The following SLC2A13 variants were observed in gnomAD, a reference collection of about 807,000 sequenced individuals.
The protein encoded by SLC2A13 is solute carrier family 2 member 13.
Under a neutral mutation model 64.4 loss-of-function variants are expected in SLC2A13, and 32 were observed. That is an observed-to-expected ratio of 0.50 (90% CI 0.37 to 0.67). SLC2A13 has a LOEUF of 0.67. Among genes scored for constraint, SLC2A13 ranks in the 30% least tolerant of loss-of-function variants. The pLI, the probability that SLC2A13 is intolerant of heterozygous loss-of-function variation, is 0.00. For missense variants in SLC2A13, 743 were observed against 829.2 expected (o/e 0.90, Z 1.28); for synonymous variants, 338 against 327.1 (o/e 1.03, Z -0.36).
At chr12:39,776,439 G>T (rs74090331) in intron 7 of SLC2A13, among the ~76,000 whole-genome samples, 2 of 152,178 alleles carry the variant, frequency 1.3e-5, no homozygotes, top group Non-Finnish European at 2.9e-5. Flanking sequence ...CCTAGGAAGC[G>T]GCTTGGCAAG....
At chr12:39,945,730 C>A (rs947873424) in intron 4 of SLC2A13, among the ~76,000 whole-genome samples, 17 of 152,086 alleles carry the variant, frequency 1.1e-4, no homozygotes, top group Non-Finnish European at 2.5e-4. Flanking sequence ...GCTATCTATT[C>A]CCATGAATAT....
intron 7 of SLC2A13, among the ~76,000 whole-genome samples, chr12:39,826,155 A>C (rs1942668598): frequency 6.6e-6 from 1 of 152,128 alleles, no homozygotes; most frequent in Admixed American, 6.5e-5. Flanking sequence ...AATTTTCAGA[A>C]GTGTTCCATG....
intron 4 of SLC2A13, among the ~76,000 whole-genome samples, chr12:39,885,688 C>T (rs1203280281): frequency 3.3e-5 from 5 of 152,156 alleles, no homozygotes; most frequent in Non-Finnish European, 5.9e-5. Context: ...TCTTCTACCT[C>T]GTGAATCATG....
chr12:39,998,361 A>T (rs1947267471), intron 3 of SLC2A13, among the ~76,000 whole-genome samples: 3 of 152,218 alleles, frequency 2.0e-5, no homozygotes, highest in African/African-American at 7.2e-5. Context: ...AGAATGAAAC[A>T]ATGGACTTTG....
rs185862995 is a variant in SLC2A13, at chr12:39,990,149, G to A, written c.925+38152C>T. On this transcript the variant is annotated intron_variant, in intron 3 of 9. Coordinates refer to ENST00000280871, the MANE Select transcript of SLC2A13 (RefSeq NM_052885.4). Reference sequence around the variant, plus strand: ...TGGCCATGTATTCTGGAGTCATAACGATCAAATATTAGTTCCTTTTATTAT... The same window carrying A: ...TGGCCATGTATTCTGGAGTCATAACAATCAAATATTAGTTCCTTTTATTAT... 2.4e-3 allele frequency among the ~76,000 whole-genome samples: 362 copies of A among 152,158 alleles called. 3 individuals are homozygous for A. Among genetic ancestry groups the A allele is most frequent in the Admixed American group, 0.022 (339 of 15,274 alleles).
chr12:39,954,458 G>A (rs1011349641), intron 3 of SLC2A13, among the ~76,000 whole-genome samples: 2 of 152,178 alleles, frequency 1.3e-5, no homozygotes, highest in Non-Finnish European at 2.9e-5. Flanking sequence ...AGGGGAAAGA[G>A]CTACTGGAAA....
intron 1 of SLC2A13, among the ~76,000 whole-genome samples, chr12:40,085,643 T>C (rs918607932): frequency 2.0e-5 from 3 of 152,224 alleles, no homozygotes; most frequent in African/African-American, 7.2e-5. Flanking sequence ...CCATTTCACA[T>C]TGCAGAAGGG....
intron 4 of SLC2A13, among the ~76,000 whole-genome samples, chr12:39,896,387 T>C (rs928516839): frequency 3.5e-3 from 446 of 128,668 alleles, no homozygotes; most frequent in Middle Eastern, 0.011. Context: ...TATGTATGTA[T>C]ATGTGTATAT....
intron 3 of SLC2A13, among the ~76,000 whole-genome samples, chr12:39,965,078 C>A (rs548131288): frequency 2.6e-5 from 4 of 152,140 alleles, no homozygotes; most frequent in African/African-American, 9.7e-5. Flanking sequence ...TAATATTTCC[C>A]AATTAAATAC....
intron 4 of SLC2A13, among the ~76,000 whole-genome samples, chr12:39,946,684 C>A (rs543581643): frequency 6.6e-6 from 1 of 152,160 alleles, no homozygotes; most frequent in African/African-American, 2.4e-5. Flanking sequence ...CTCACGCAAA[C>A]GGAAGAGCCG....
chr12:39,809,247 A>G (rs4491316), intron 7 of SLC2A13, among the ~76,000 whole-genome samples: 122,875 of 152,092 alleles, frequency 0.81, 49,859 homozygotes, highest in Non-Finnish European at 0.85. Context: ...CTATTTCTGG[A>G]CTTTATTCTG....
intron 7 of SLC2A13, among the ~76,000 whole-genome samples, chr12:39,793,199 C>T (rs560224414): frequency 5.1e-4 from 77 of 152,150 alleles, no homozygotes; most frequent in African/African-American, 1.7e-3. Context: ...ATATATACTA[C>T]AATCATTGGA....
At chr12:39,895,516 AT>A (rs1944734431) in intron 4 of SLC2A13, among the ~76,000 whole-genome samples, 2 of 1,220 alleles carry the variant, frequency 1.6e-3, no homozygotes, top group Admixed American at 0.011. Context: ...AAAAAAAATT[AT>A]ATATATATAT....
intron 4 of SLC2A13, among the ~76,000 whole-genome samples, chr12:39,917,205 G>A (rs1231786443): frequency 6.6e-6 from 1 of 150,424 alleles, no homozygotes; most frequent in Non-Finnish European, 1.5e-5. Flanking sequence ...CTAATGGGGT[G>A]TTCAGAAGAG....
intron 1 of SLC2A13, among the ~76,000 whole-genome samples, chr12:40,102,650 T>G (rs1939187847): frequency 6.6e-6 from 1 of 152,128 alleles, no homozygotes; most frequent in South Asian, 2.1e-4. Flanking sequence ...TTCCTAAATA[T>G]CATAAGGACA....
intron 3 of SLC2A13, among the ~76,000 whole-genome samples, chr12:39,979,108 G>A (rs1477289733): frequency 6.6e-6 from 1 of 151,744 alleles, no homozygotes; most frequent in Non-Finnish European, 1.5e-5. Context: ...CTGCAGCTGA[G>A]GGTCCTGTCT....
chr12:40,099,982 C>A (rs1038385580), intron 1 of SLC2A13, among the ~76,000 whole-genome samples: 2 of 152,084 alleles, frequency 1.3e-5, no homozygotes, highest in African/African-American at 4.8e-5. Context: ...TTCTGCCCAA[C>A]TATGCTTACC....
At chr12:39,831,368 A>C (rs1942846764) in intron 6 of SLC2A13, among the ~76,000 whole-genome samples, 1 of 152,176 alleles carries the variant, frequency 6.6e-6, no homozygotes, top group Non-Finnish European at 1.5e-5. Context: ...TTGTCATTAA[A>C]GATCAGTCAG....
intron 6 of SLC2A13, among the ~76,000 whole-genome samples, chr12:39,849,346 T>A (rs1943404002): frequency 6.6e-6 from 1 of 152,104 alleles, no homozygotes; most frequent in South Asian, 2.1e-4. Flanking sequence ...TTGGACAGCA[T>A]GAAAGGTGAC....
Sources: allele counts gnomAD v4.1 joint callset (sites outside exome capture counted in the v4.1 genomes callset), GRCh38; gene constraint gnomAD v4.1.1; transcripts MANE v1.5; gene names NCBI Gene and HGNC (gene_info 2026-07-23, HGNC 2026-07-21).